Variants in RNGTT observed in about 807,000 individuals in gnomAD.
RNGTT encodes the protein mRNA-capping enzyme.
A neutral mutation model predicts 79.3 loss-of-function variants in RNGTT; 33 were observed. The ratio of observed to expected loss-of-function variants is 0.42; its 90% confidence interval spans 0.32 to 0.56. The LOEUF is 0.56. Ranked by LOEUF, RNGTT falls within the 20% of genes least tolerant of loss-of-function variation. The pLI, the probability that RNGTT is intolerant of heterozygous loss-of-function variation, is 0.17. For synonymous variants in RNGTT, 222 were observed against 235.9 expected (o/e 0.94, Z 0.54); for missense variants, 497 against 739.1 (o/e 0.67, Z 3.80).
intron 1 of RNGTT, among the ~76,000 whole-genome samples, chr6:88,948,468 G>A (rs1455707454): frequency 6.5e-5 from 7 of 107,428 alleles, no homozygotes; most frequent in East Asian, 3.3e-4. Context: ...CCGGCCAGCC[G>A]CCCCGTCCGG....
intron 13 of RNGTT, among the ~76,000 whole-genome samples, chr6:88,714,644 G>A (rs1252134812): frequency 9.5e-5 from 9 of 94,724 alleles, no homozygotes; most frequent in East Asian, 6.6e-4. Flanking sequence ...GGGTTTCACC[G>A]TTTTAGCCGG....
intron 14 of RNGTT, among the ~76,000 whole-genome samples, chr6:88,641,314 G>A (rs1474112068): frequency 6.7e-6 from 1 of 149,162 alleles, no homozygotes; most frequent in Non-Finnish European, 1.5e-5. Context: ...ACTCTAGCTT[G>A]GGCAACAGAG....
At chr6:88,667,152 C>G (rs894206370) in intron 14 of RNGTT, among the ~76,000 whole-genome samples, 4 of 152,180 alleles carry the variant, frequency 2.6e-5, no homozygotes, top group African/African-American at 9.7e-5. Context: ...TCAGTCACGG[C>G]CCCTCTGCTC....
At chr6:88,762,913 T>C (rs911136607) in intron 13 of RNGTT, among the ~76,000 whole-genome samples, 1 of 151,796 alleles carries the variant, frequency 6.6e-6, no homozygotes, top group African/African-American at 2.4e-5. Context: ...GTCGTCTAAA[T>C]GAAAGGTATT....
chr6:88,736,599 G>C (rs902152586), intron 13 of RNGTT, among the ~76,000 whole-genome samples: 1 of 152,166 alleles, frequency 6.6e-6, no homozygotes, highest in Admixed American at 6.5e-5. Context: ...GAGAAATAAA[G>C]CTACTGTTAG....
chr6:88,929,138 TTAAA>T (rs777810593), intron 3 of RNGTT, 22 bp downstream of exon 3: 1 of 1,574,610 alleles, frequency 6.4e-7, no homozygotes, highest in Non-Finnish European at 8.7e-7. Flanking sequence ...GGTTTCAATA[TTAAA>T]GAATCTTAAT....
chr6:88,891,938 A>T, intron 6 of RNGTT, 23 bp from the exon 7 acceptor site: 1 of 1,445,652 alleles, frequency 6.9e-7, no homozygotes. Context: ...AATAAGAAAA[A>T]TAAGGGAAAG....
At chr6:88,637,414 C>T (rs769393454) in intron 14 of RNGTT, among the ~76,000 whole-genome samples, 3 of 152,006 alleles carry the variant, frequency 2.0e-5, no homozygotes, top group Non-Finnish European at 2.9e-5. Context: ...AAAAGGCTGG[C>T]TTTTCCATGA....
chr6:88,864,732 T>C (rs149197441), intron 8 of RNGTT, among the ~76,000 whole-genome samples: 2 of 152,212 alleles, frequency 1.3e-5, no homozygotes, highest in East Asian at 1.9e-4. Flanking sequence ...AAATGCAGCA[T>C]ATACATAAAA....
Position 88,890,403 on chromosome 6 carries a change from A to G in RNGTT, c.896+92T>C, listed in dbSNP as rs191926341. On this transcript the variant is annotated intron_variant, in intron 8 of 15. Coordinates refer to ENST00000369485, the MANE Select transcript of RNGTT (RefSeq NM_003800.5). ...ATTTTGCTATTCACATTAGAAATTC[A>G]CACTCTCAAGAGTGTAAACTTTTCT... is the stretch of plus-strand genomic sequence containing the variant. 7.6e-6 allele frequency: 6 copies of G among 785,236 alleles called. No homozygotes were observed. In the East Asian group the frequency reaches 1.3e-4, roughly 17 times the overall value. The allele number at this position is 785,236 out of a possible 1,614,324, so 48.6% of individuals were successfully genotyped here. A position where few individuals can be genotyped will look rare whatever the true frequency, so the allele number is the denominator to read the frequency against.
At chr6:88,832,497 G>C (rs530488443) in intron 11 of RNGTT, among the ~76,000 whole-genome samples, 53 of 152,182 alleles carry the variant, frequency 3.5e-4, no homozygotes, top group African/African-American at 1.2e-3. Flanking sequence ...GAAAACCTAG[G>C]CAATACCATT....
intron 10 of RNGTT, among the ~76,000 whole-genome samples, chr6:88,847,142 T>C (rs1781510438): frequency 6.6e-6 from 1 of 152,192 alleles, no homozygotes; most frequent in Admixed American, 6.5e-5. Flanking sequence ...TGTAAAATGT[T>C]ATAAAACTGA....
In RNGTT at chr6:88,702,314, A is replaced by C. The variant is rs139201784; in HGVS notation, c.1440-23895T>G. 5.0e-3 allele frequency among the ~76,000 whole-genome samples: 758 copies of C among 152,298 alleles called. 2 individuals are homozygous for C. The highest frequency in any genetic ancestry group is 8.6e-3 in the Non-Finnish European group (588 of 68,014). On this transcript the variant is annotated intron_variant, in intron 13 of 15. Transcript: ENST00000369485. ...TTTACATTATCCAACTTCAAACTAT[A>C]CTACAAGGCTACAGTAGCCAAACCA...
At chr6:88,866,921 T>C (rs1269696116) in intron 8 of RNGTT, among the ~76,000 whole-genome samples, 1 of 152,196 alleles carries the variant, frequency 6.6e-6, no homozygotes, top group Non-Finnish European at 1.5e-5. Context: ...TAAAAACCAC[T>C]TGGTCTCTCT....
intron 14 of RNGTT, among the ~76,000 whole-genome samples, chr6:88,668,103 C>T (rs2149459): frequency 0.26 from 40,110 of 151,822 alleles, 9,229 homozygotes; most frequent in African/African-American, 0.63. Flanking sequence ...GAGAGATGCC[C>T]CATTAGCTTA....
At chr6:88,879,898 A>C (rs898191095) in intron 8 of RNGTT, among the ~76,000 whole-genome samples, 3 of 152,148 alleles carry the variant, frequency 2.0e-5, no homozygotes, top group African/African-American at 4.8e-5. Flanking sequence ...TTGTAAATAA[A>C]ATTTTATTGA....
At chr6:88,763,515 C>A (rs73496493) in intron 13 of RNGTT, among the ~76,000 whole-genome samples, 1 of 152,154 alleles carries the variant, frequency 6.6e-6, no homozygotes, top group Admixed American at 6.5e-5. Context: ...TGTAAGGACT[C>A]CAATTTCTGT....
intron 13 of RNGTT, among the ~76,000 whole-genome samples, chr6:88,698,480 T>A (rs1775832954): frequency 6.6e-6 from 1 of 150,844 alleles, no homozygotes; most frequent in East Asian, 1.9e-4. Context: ...CTTAACTGAG[T>A]CATTATATTC....
rs146200508 is a variant in RNGTT at position 88,817,406 on chromosome 6, C to T, written c.1270-15774G>A. Among the ~76,000 whole-genome samples, 11 of 149,560 alleles carry T rather than the reference C, an allele frequency of 7.4e-5. No homozygotes were observed. The East Asian group carries it at 2.2e-3, about 29-fold the overall frequency. On this transcript the variant is annotated intron_variant, in intron 11 of 15. Coordinates refer to ENST00000369485, the MANE Select transcript of RNGTT (RefSeq NM_003800.5). ...CCTGTAATCCAAACGCTTTGGGAGGCCATGGTGTGAGGACCGCTTGAAGCC... is the reference window on the plus strand; with the variant it reads ...CCTGTAATCCAAACGCTTTGGGAGGTCATGGTGTGAGGACCGCTTGAAGCC...
Sources: gnomAD v4.1 joint callset for allele counts (sites outside exome capture counted in the v4.1 genomes callset) on GRCh38, gnomAD v4.1.1 for gene constraint, MANE v1.5 for transcripts, NCBI Gene and HGNC (gene_info 2026-07-23, HGNC 2026-07-21) for gene names.